AEBP2: variants seen among roughly 807,000 people sequenced by gnomAD.
AEBP2 encodes zinc finger protein AEBP2.
AEBP2 carries 10 observed loss-of-function variants against 50.8 expected under a neutral mutation model. The ratio of observed to expected loss-of-function variants is 0.20; its 90% CI spans 0.12 to 0.33. AEBP2 has a LOEUF of 0.33. Among genes scored for constraint, AEBP2 ranks in the 10% least tolerant of loss-of-function variants. The pLI, the probability that AEBP2 is intolerant of heterozygous loss-of-function variation, is 1.00. For missense variants in AEBP2, 570 were observed against 688.0 expected (o/e 0.83, Z 1.92); for synonymous variants, 296 against 261.3 (o/e 1.13, Z -1.28).
intron 1 of AEBP2, among the ~76,000 whole-genome samples, chr12:19,426,992 A>T (rs552969003): frequency 2.7e-4 from 41 of 152,330 alleles, no homozygotes; most frequent in East Asian, 1.9e-4. Flanking sequence ...CTGAGTAAAG[A>T]TCTACACTCA....
intron 1 of AEBP2, among the ~76,000 whole-genome samples, chr12:19,454,454 C>G (rs75299882): frequency 6.6e-6 from 1 of 151,968 alleles, no homozygotes; most frequent in African/African-American, 2.4e-5. Flanking sequence ...ATAAGGTATA[C>G]GATTTGCAAG....
At chr12:19,426,933 ACTGT>A (rs1396429885) in intron 1 of AEBP2, among the ~76,000 whole-genome samples, 8 of 152,114 alleles carry the variant, frequency 5.3e-5, no homozygotes, top group African/African-American at 1.7e-4. Context: ...TATTTCTGAG[ACTGT>A]CTGTGAGGAC....
intron 5 of AEBP2, among the ~76,000 whole-genome samples, chr12:19,501,880 G>A (rs545199906): frequency 2.2e-5 from 3 of 136,390 alleles, no homozygotes; most frequent in African/African-American, 8.1e-5. Flanking sequence ...TGCGACCGTG[G>A]TTACAACCAA....
chr12:19,455,326 G>T (rs1343066561), intron 1 of AEBP2, among the ~76,000 whole-genome samples: 1 of 152,106 alleles, frequency 6.6e-6, no homozygotes, highest in African/African-American at 2.4e-5. Context: ...TAAGATAATT[G>T]TGTTGCTATT....
At chr12:19,513,199 A>G (rs1949262305) in intron 6 of AEBP2, among the ~76,000 whole-genome samples, 1 of 152,142 alleles carries the variant, frequency 6.6e-6, no homozygotes. Context: ...AAATTTGTAA[A>G]TGTTCTTTAG....
intron 2 of AEBP2, among the ~76,000 whole-genome samples, chr12:19,463,955 C>T (rs183277886): frequency 8.5e-5 from 13 of 152,138 alleles, no homozygotes; most frequent in East Asian, 5.8e-4. Flanking sequence ...CGTGAGTCAC[C>T]GTGTGTGACC....
intron 4 of AEBP2, among the ~76,000 whole-genome samples, chr12:19,495,945 A>G (rs1488007931): frequency 6.6e-6 from 1 of 152,192 alleles, no homozygotes; most frequent in East Asian, 1.9e-4. Context: ...ACAGAAATTT[A>G]GCATTGCGAT....
In AEBP2 at chr12:19,522,122, C is replaced by G. The variant is rs1949406873; in HGVS notation, c.*4005C>G. The G allele has an allele frequency of 6.6e-6, 1 of 151,144 alleles. No homozygotes were observed. The highest frequency in any genetic ancestry group is 2.4e-5 in the African/African-American group (1 of 41,160). The allele number at this position is 151,144 out of a possible 1,614,324, so 9.4% of individuals were successfully genotyped here. ...TGGGGATTTTGGTTAAAACATATTTCTCTATTCTAAAAATTACAGAATATG... is the reference window on the plus strand; with the variant it reads ...TGGGGATTTTGGTTAAAACATATTTGTCTATTCTAAAAATTACAGAATATG... On this transcript the variant is annotated 3_prime_UTR_variant, in exon 8 of 8. Transcript: ENST00000266508.
chr12:19,419,514 A>C (rs1438327968), intron 1 of AEBP2, among the ~76,000 whole-genome samples: 1 of 151,588 alleles, frequency 6.6e-6, no homozygotes, highest in East Asian at 1.9e-4. Context: ...GCTTGAACCC[A>C]GGAGGCAGAG....
intron 5 of AEBP2, among the ~76,000 whole-genome samples, chr12:19,505,439 C>G (rs1949142408): frequency 6.6e-6 from 1 of 152,184 alleles, no homozygotes; most frequent in Non-Finnish European, 1.5e-5. Flanking sequence ...CAAAAAATAC[C>G]ATGCAGCTAC....
upstream of AEBP2, among the ~76,000 whole-genome samples, chr12:19,436,983 T>C (rs1461055695): frequency 6.6e-6 from 1 of 152,146 alleles, no homozygotes; most frequent in African/African-American, 2.4e-5. Flanking sequence ...TGCTGTCTCC[T>C]ATCCCTGTTA....
At chr12:19,459,409 T>A (rs1163866179) in intron 1 of AEBP2, among the ~76,000 whole-genome samples, 4 of 152,010 alleles carry the variant, frequency 2.6e-5, no homozygotes, top group Non-Finnish European at 5.9e-5. Flanking sequence ...TTTTTTGTGT[T>A]TTTAATAGAG....
rs1949384961 is a variant in AEBP2 at position 19,520,750 on chromosome 12, A to AG, written c.*2635dup. 6.6e-6 allele frequency: 1 copy of AG among 152,144 alleles called. No homozygotes were observed. Among genetic ancestry groups the AG allele is most frequent in the Non-Finnish European group, 1.5e-5 (1 of 68,008 alleles). The allele number at this position is 152,144 out of a possible 1,614,324, so 9.4% of individuals were successfully genotyped here. ...TGGCAGAATTGAGTGGTGAGACCTT[A>AG]GGTCCTGCAAGCCCCCAATTTTTAC... On this transcript the variant is annotated 3_prime_UTR_variant, in exon 8 of 8. Transcript: ENST00000266508.
At chr12:19,469,520 A>G (rs1373867670) in intron 2 of AEBP2, among the ~76,000 whole-genome samples, 1 of 152,078 alleles carries the variant, frequency 6.6e-6, no homozygotes, top group African/African-American at 2.4e-5. Flanking sequence ...CAGTGGCATG[A>G]TCTTAGCTCA....
chr12:19,514,889 A>G (rs1186008272), intron 7 of AEBP2, 105 bp downstream of exon 7: 2 of 787,478 alleles, frequency 2.5e-6, no homozygotes, highest in Non-Finnish European at 4.1e-6. Flanking sequence ...TTTTAATACC[A>G]AGCATATCTC....
chr12:19,418,414 G>A (rs1422481264), intron 1 of AEBP2, among the ~76,000 whole-genome samples: 1 of 70,444 alleles, frequency 1.4e-5, no homozygotes, highest in Non-Finnish European at 3.1e-5. Flanking sequence ...TTTTTTTTGT[G>A]GATATGAGGT....
chr12:19,502,679 G>A (rs1247292303), intron 5 of AEBP2, among the ~76,000 whole-genome samples: 4 of 147,120 alleles, frequency 2.7e-5, no homozygotes, highest in African/African-American at 5.0e-5. Flanking sequence ...ATGGACTTTC[G>A]CTCTTGTTGC....
intron 3 of AEBP2, among the ~76,000 whole-genome samples, chr12:19,474,141 T>C (rs1299554334): frequency 1.3e-5 from 2 of 152,200 alleles, no homozygotes; most frequent in African/African-American, 4.8e-5. Context: ...TAAATCACTT[T>C]TGTCAAATTA....
At chr12:19,480,100 G>T (rs1948705667) in intron 3 of AEBP2, among the ~76,000 whole-genome samples, 1 of 151,758 alleles carries the variant, frequency 6.6e-6, no homozygotes, top group Non-Finnish European at 1.5e-5. Flanking sequence ...GCTTTAAGGA[G>T]ATTCTTTTTG....
Sources: allele counts gnomAD v4.1 joint callset (sites outside exome capture counted in the v4.1 genomes callset), GRCh38; gene constraint gnomAD v4.1.1; transcripts MANE v1.5; gene names NCBI Gene and HGNC (gene_info 2026-07-23, HGNC 2026-07-21).